Variants in ITCH observed in about 807,000 individuals in gnomAD.
ITCH encodes itchy E3 ubiquitin protein ligase.
ITCH carries 28 observed loss-of-function variants against 126.8 expected under a neutral mutation model. The observed-to-expected ratio is 0.22, with a 90% CI of 0.16 to 0.30. The LOEUF (loss-of-function observed/expected upper bound fraction) is 0.30. Among genes scored for constraint, ITCH ranks in the 10% least tolerant of loss-of-function variants. ITCH has a pLI of 1.00. For synonymous variants in ITCH, 342 were observed against 340.0 expected (o/e 1.01, Z -0.06); for missense variants, 631 against 1,032.4 (o/e 0.61, Z 5.33).
intron 12 of ITCH, among the ~76,000 whole-genome samples, chr20:34,457,149 T>C (rs1986083387): frequency 1.3e-5 from 2 of 152,212 alleles, no homozygotes; most frequent in South Asian, 2.1e-4. Context: ...AGAAAGGTCC[T>C]ATGGTTAGGA....
chr20:34,452,915 A>T (rs578181690), intron 12 of ITCH, among the ~76,000 whole-genome samples: 28 of 152,360 alleles, frequency 1.8e-4, no homozygotes, highest in African/African-American at 6.7e-4. Context: ...CACCAGTATT[A>T]TTTAATAGGG....
At chr20:34,494,941 A>G (rs1989754292) in intron 23 of ITCH, among the ~76,000 whole-genome samples, 1 of 151,364 alleles carries the variant, frequency 6.6e-6, no homozygotes, top group South Asian at 2.1e-4. Flanking sequence ...TCTCAGTGAC[A>G]GAGTGAGACC....
chr20:34,460,574 A>G (rs1600396573), intron 13 of ITCH, among the ~76,000 whole-genome samples: 1 of 152,020 alleles, frequency 6.6e-6, no homozygotes, highest in Admixed American at 6.6e-5. Context: ...TACCTGTCTC[A>G]TTTGTTCCTC....
chr20:34,387,519 TACTC>T (rs2038328852), intron 2 of ITCH, among the ~76,000 whole-genome samples: 1 of 151,854 alleles, frequency 6.6e-6, no homozygotes, highest in East Asian at 1.9e-4. Context: ...TAGTCTCAGT[TACTC>T]AGGAGGCTGA....
chr20:34,365,749 C>T (rs865827586), intron 1 of ITCH, among the ~76,000 whole-genome samples: 2 of 152,306 alleles, frequency 1.3e-5, no homozygotes, highest in East Asian at 3.9e-4. Flanking sequence ...TTGGGAGAGG[C>T]AGACAAACCA....
intron 8 of ITCH, among the ~76,000 whole-genome samples, chr20:34,438,933 A>G (rs191732572): frequency 1.3e-5 from 2 of 152,390 alleles, no homozygotes; most frequent in African/African-American, 2.4e-5. Flanking sequence ...GTTTGTAACT[A>G]TAACATAAAT....
At chr20:34,471,577 G>A (rs1987624437) in intron 16 of ITCH, 62 bp downstream of exon 16, 2 of 1,011,542 alleles carry the variant, frequency 2.0e-6, no homozygotes, top group South Asian at 2.6e-5. Context: ...CGCTTTTGGT[G>A]CTGTCAGTTT....
chr20:34,489,972 T>C (rs562489705), intron 22 of ITCH, 46 bp downstream of exon 22: 4 of 1,453,696 alleles, frequency 2.8e-6, no homozygotes, highest in East Asian at 4.5e-5. Flanking sequence ...GCATAATTTT[T>C]TAGAATTTGC....
At chr20:34,451,698 A>G (rs1420703942) in intron 12 of ITCH, among the ~76,000 whole-genome samples, 1 of 152,110 alleles carries the variant, frequency 6.6e-6, no homozygotes, top group Non-Finnish European at 1.5e-5. Context: ...CTAGAGTTGT[A>G]TGTCTTATGT....
At chr20:34,431,367 T>G (rs776266854) in intron 7 of ITCH, among the ~76,000 whole-genome samples, 19 of 151,998 alleles carry the variant, frequency 1.3e-4, no homozygotes, top group Admixed American at 3.9e-4. Context: ...GAACTGTGAT[T>G]GCGCCATTGC....
chr20:34,501,623 A>G (rs1212063048), intron 23 of ITCH, among the ~76,000 whole-genome samples: 1 of 152,108 alleles, frequency 6.6e-6, no homozygotes, highest in South Asian at 2.1e-4. Flanking sequence ...TGAAAATACA[A>G]AATTAGCCAG....
At chr20:34,440,963 A>G (rs1202109537) in intron 9 of ITCH, among the ~76,000 whole-genome samples, 1 of 151,804 alleles carries the variant, frequency 6.6e-6, no homozygotes, top group Non-Finnish European at 1.5e-5. Context: ...ATATCAAACT[A>G]TTTTTTTCAT....
rs750386262 is a variant in ITCH, at chr20:34,462,080, CTG to C, written c.1296-9_1296-8del. 1.9e-6 allele frequency: 3 copies of C among 1,612,868 alleles called. No individual in the cohort carries two copies. Among genetic ancestry groups the C allele is most frequent in the Non-Finnish European group, 2.5e-6 (3 of 1,179,314 alleles). ...TTAATATTTTTGTTTATGTTTTTTC[CTG>C]TGTTTCGTAGTCAATTAAATGAAAA... On this transcript the variant is annotated splice_polypyrimidine_tract_variant and intron_variant, in intron 13 of 24. Transcript: ENST00000374864.
At chr20:34,428,984 CTGGAG>C in intron 7 of ITCH, among the ~76,000 whole-genome samples, 1 of 152,282 alleles carries the variant, frequency 6.6e-6, no homozygotes, top group Non-Finnish European at 1.5e-5. Context: ...GTTGCCCAGG[CTGGAG>C]TGCAGTGGCG....
chr20:34,478,044 C>T, intron 17 of ITCH, 184 bp downstream of exon 17: 1 of 701,480 alleles, frequency 1.4e-6, no homozygotes, highest in Non-Finnish European at 2.3e-6. Context: ...CTTTCTATGT[C>T]ATGTACAGCT....
At chr20:34,444,586 T>C (rs749161340) in intron 10 of ITCH, among the ~76,000 whole-genome samples, 2 of 151,176 alleles carry the variant, frequency 1.3e-5, no homozygotes, top group Non-Finnish European at 3.0e-5. Flanking sequence ...AAACTCTGTC[T>C]CCAAAAAAAA....
chr20:34,483,710 C>G (rs1568992953), intron 20 of ITCH, among the ~76,000 whole-genome samples: 1 of 152,238 alleles, frequency 6.6e-6, no homozygotes, highest in East Asian at 1.9e-4. Context: ...GCCCTCCAAA[C>G]TGTTCCAACG....
At chr20:34,372,227 C>G (rs1209125579) in intron 2 of ITCH, among the ~76,000 whole-genome samples, 2 of 146,332 alleles carry the variant, frequency 1.4e-5, no homozygotes, top group African/African-American at 5.1e-5. Flanking sequence ...ATGGTGTGAA[C>G]CTGGGAGGCG....
At chr20:34,402,781 G>GT (rs2038932398) in intron 3 of ITCH, 1 of 239,654 alleles carries the variant, frequency 4.2e-6, no homozygotes, top group South Asian at 7.0e-5. Context: ...GCTCATCTGT[G>GT]TTTTTTATTT....
Sources: gnomAD v4.1 joint callset for allele counts (sites outside exome capture counted in the v4.1 genomes callset) on GRCh38, gnomAD v4.1.1 for gene constraint, MANE v1.5 for transcripts, NCBI Gene and HGNC (gene_info 2026-07-23, HGNC 2026-07-21) for gene names.